The following LRRIQ3 variants were observed in gnomAD, a reference collection of about 807,000 sequenced individuals.
LRRIQ3 encodes the protein leucine-rich repeat and IQ domain-containing protein 3.
LRRIQ3 carries 75 observed loss-of-function variants against 59.3 expected under a neutral mutation model. The observed-to-expected ratio is 1.26, with a 90% CI of 1.05 to 1.53. The LOEUF (loss-of-function observed/expected upper bound fraction) is 1.53. LRRIQ3 is among the 40% of genes most tolerant of loss of function. The pLI is 0.00. For synonymous variants in LRRIQ3, 250 were observed against 231.3 expected (o/e 1.08, Z -0.73); for missense variants, 831 against 710.0 (o/e 1.17, Z -1.94).
chr1:74,141,599 AT>A (rs1404412715), intron 4 of LRRIQ3, among the ~76,000 whole-genome samples: 1 of 151,930 alleles, frequency 6.6e-6, no homozygotes, highest in African/African-American at 2.4e-5. Context: ...AAGATCTGGT[AT>A]TTTTAAGATG....
At chr1:74,106,823 T>C (rs139140542) in intron 5 of LRRIQ3, among the ~76,000 whole-genome samples, 9 of 152,128 alleles carry the variant, frequency 5.9e-5, no homozygotes, top group African/African-American at 1.9e-4. Flanking sequence ...TTTCCTTCAA[T>C]TGGATTTAAT....
In LRRIQ3 at chr1:74,126,303, T is replaced by A. The variant is rs1348501044; in HGVS notation, c.708-16750A>T. ...TTATATTTATCTTTTAACCACCAAT[T>A]TTTCATTTCATTGGTCTTTTGTATT... On this transcript the variant is annotated intron_variant, in intron 4 of 7. Transcript: ENST00000354431. 2.0e-5 allele frequency among the ~76,000 whole-genome samples: 3 copies of A among 151,780 alleles called. No individual in the cohort carries two copies. In the East Asian group the frequency reaches 5.8e-4, roughly 29 times the overall value.
intron 5 of LRRIQ3, among the ~76,000 whole-genome samples, chr1:74,097,186 C>T (rs1489778927): frequency 6.6e-6 from 1 of 152,046 alleles, no homozygotes; most frequent in Non-Finnish European, 1.5e-5. Context: ...GAATGGCTTA[C>T]TAGAATAACC....
chr1:74,094,487 A>C (rs1275068715), intron 5 of LRRIQ3, among the ~76,000 whole-genome samples: 1 of 152,132 alleles, frequency 6.6e-6, no homozygotes, highest in Non-Finnish European at 1.5e-5. Flanking sequence ...CAGCTTCCAG[A>C]AACTAGACTA....
intron 5 of LRRIQ3, among the ~76,000 whole-genome samples, chr1:74,103,009 C>T (rs1646556794): frequency 1.3e-5 from 2 of 151,966 alleles, no homozygotes; most frequent in Admixed American, 1.3e-4. Flanking sequence ...TTATCTTTAG[C>T]CTCTGGTAGC....
At chr1:74,053,317 T>C (rs1570035057) in intron 6 of LRRIQ3, among the ~76,000 whole-genome samples, 1 of 151,962 alleles carries the variant, frequency 6.6e-6, no homozygotes, top group East Asian at 1.9e-4. Context: ...TCCTATATAA[T>C]TTTGAGTATG....
intron 5 of LRRIQ3, among the ~76,000 whole-genome samples, chr1:74,088,290 T>C (rs1403852048): frequency 1.3e-5 from 2 of 152,158 alleles, no homozygotes; most frequent in African/African-American, 4.8e-5. Context: ...ATTATTTGCA[T>C]GTTAATTTCT....
rs150825927 is a variant in LRRIQ3 at position 74,169,010 on chromosome 1, C to A, written c.574-13144G>T. ...TGCAAGCTTTAGGCTCTATGTTGTACCACAATTTGTAGGAACTTCCTCATC... is the reference window on the plus strand; with the variant it reads ...TGCAAGCTTTAGGCTCTATGTTGTAACACAATTTGTAGGAACTTCCTCATC... On this transcript the variant is annotated intron_variant, in intron 3 of 7. Coordinates refer to ENST00000354431, the MANE Select transcript of LRRIQ3 (RefSeq NM_001105659.2). Among the ~76,000 whole-genome samples, 231 of 152,188 alleles carry A rather than the reference C, an allele frequency of 1.5e-3. 1 individual carries two copies. Among genetic ancestry groups the A allele is most frequent in the Admixed American group, 3.6e-3 (55 of 15,266 alleles).
In LRRIQ3 at chr1:74,182,711, C is replaced by G; in HGVS notation, c.400G>C (p.Val134Leu). The change falls in exon 3 of 8, where the codon GTA becomes CTA. Residue 134 changes from valine to leucine, a missense_variant. By Grantham distance (32) the Val-to-Leu change is conservative (BLOSUM62 1). Coordinates refer to ENST00000354431, the MANE Select transcript of LRRIQ3 (RefSeq NM_001105659.2). Reference protein sequence around the residue: ...LIALTMFDCPVSLKKGYRHVL... With the variant: ...LIALTMFDCPLSLKKGYRHVL... Reference sequence around the variant, plus strand: ...TGTCTATATCCTTTTTTAAGGCTTACTGGACAATCAAACATAGTGAGGGCA... The same window carrying G: ...TGTCTATATCCTTTTTTAAGGCTTAGTGGACAATCAAACATAGTGAGGGCA... 6.2e-7 allele frequency: 1 copy of G among 1,612,638 alleles called. No homozygotes were observed. Among genetic ancestry groups the G allele is most frequent in the Non-Finnish European group, 8.5e-7 (1 of 1,179,014 alleles).
chr1:74,090,430 T>C (rs540654004), intron 5 of LRRIQ3, among the ~76,000 whole-genome samples: 31 of 152,032 alleles, frequency 2.0e-4, no homozygotes, highest in Non-Finnish European at 3.5e-4. Flanking sequence ...TCAGATTTAG[T>C]ATTTAAAATA....
At chr1:74,046,510 G>C (rs1481531186) in intron 6 of LRRIQ3, among the ~76,000 whole-genome samples, 1 of 152,110 alleles carries the variant, frequency 6.6e-6, no homozygotes, top group African/African-American at 2.4e-5. Flanking sequence ...AGAAAACCTA[G>C]GCAATACCAT....
At chr1:74,147,623 A>G (rs1647662020) in intron 4 of LRRIQ3, among the ~76,000 whole-genome samples, 1 of 152,210 alleles carries the variant, frequency 6.6e-6, no homozygotes, top group Non-Finnish European at 1.5e-5. Context: ...TGTATTATTG[A>G]TAAAAACATG....
Position 74,170,354 on chromosome 1 carries a change from C to T in LRRIQ3, c.573+12184G>A, listed in dbSNP as rs145121448. On this transcript the variant is annotated intron_variant, in intron 3 of 7. Transcript: ENST00000354431. The stretch of plus-strand genomic sequence containing the variant: ...ATTCTTTTTTGAGTATAGTGTAAGA[C>T]AAAGGTCCAATTTCATTCTTTTTGA... 3.6e-3 allele frequency among the ~76,000 whole-genome samples: 543 copies of T among 152,202 alleles called. 4 individuals are homozygous for T. The highest frequency in any genetic ancestry group is 0.012 in the African/African-American group (500 of 41,534).
At chr1:74,037,231 G>A (rs992902420) in intron 7 of LRRIQ3, among the ~76,000 whole-genome samples, 8 of 152,138 alleles carry the variant, frequency 5.3e-5, no homozygotes, top group African/African-American at 1.9e-4. Context: ...TTCTTGAGGG[G>A]GTGGGGCCAA....
intron 6 of LRRIQ3, among the ~76,000 whole-genome samples, chr1:74,056,694 A>G (rs1034027054): frequency 6.6e-6 from 1 of 152,308 alleles, no homozygotes; most frequent in Admixed American, 6.5e-5. Flanking sequence ...AATACAAAAT[A>G]CTGATGAAAT....
intron 6 of LRRIQ3, among the ~76,000 whole-genome samples, chr1:74,059,679 A>T (rs997515809): frequency 6.6e-6 from 1 of 152,046 alleles, no homozygotes; most frequent in Non-Finnish European, 1.5e-5. Flanking sequence ...TGGTTGTTGG[A>T]AATCCCCTAC....
chr1:74,060,315 C>T (rs561468283), intron 6 of LRRIQ3, among the ~76,000 whole-genome samples: 18 of 145,608 alleles, frequency 1.2e-4, no homozygotes, highest in Middle Eastern at 7.0e-3. Context: ...CTTCTTCTTC[C>T]TCCTCCTCCT....
At chr1:74,091,377 A>T (rs1259603366) in intron 5 of LRRIQ3, among the ~76,000 whole-genome samples, 1 of 152,160 alleles carries the variant, frequency 6.6e-6, no homozygotes, top group East Asian at 1.9e-4. Context: ...TATTTCAAAT[A>T]CAATGAGCAG....
intron 6 of LRRIQ3, among the ~76,000 whole-genome samples, chr1:74,053,111 G>A (rs564947183): frequency 1.4e-5 from 2 of 147,214 alleles, no homozygotes; most frequent in Non-Finnish European, 3.0e-5. Context: ...AAAGAGCAAA[G>A]GCAAAACAAT....
Sources: allele counts gnomAD v4.1 joint callset (sites outside exome capture counted in the v4.1 genomes callset), GRCh38; gene constraint gnomAD v4.1.1; transcripts MANE v1.5; gene names NCBI Gene and HGNC (gene_info 2026-07-23, HGNC 2026-07-21).